SYT1: variants seen among roughly 807,000 people sequenced by gnomAD.
SYT1 encodes the protein synaptotagmin 1.
SYT1 carries 8 observed loss-of-function variants against 44.8 expected under a neutral mutation model. That is an observed-to-expected ratio of 0.18 (90% CI 0.10 to 0.32). The LOEUF (loss-of-function observed/expected upper bound fraction) is 0.32. SYT1 is among the 10% of genes least tolerant of loss of function. SYT1 has a pLI of 1.00. For missense variants in SYT1, 286 were observed against 509.3 expected, an observed-to-expected ratio of 0.56 and a Z score of 4.22; for synonymous variants, 154 against 188.8, an observed-to-expected ratio of 0.82 and a Z score of 1.51.
At chr12:79,238,903 C>T (rs1281630935) in intron 4 of SYT1, among the ~76,000 whole-genome samples, 3 of 152,178 alleles carry the variant, frequency 2.0e-5, no homozygotes, top group Non-Finnish European at 4.4e-5. Flanking sequence ...AACAAATTTG[C>T]GATATTTCCC....
chr12:78,907,580 T>C (rs1267314550), intron 1 of SYT1, among the ~76,000 whole-genome samples: 1 of 151,986 alleles, frequency 6.6e-6, no homozygotes, highest in African/African-American at 2.4e-5. Flanking sequence ...AGCAGTTCTT[T>C]CCAGAAGTTG....
chr12:78,964,722 C>G (rs1354256164), intron 1 of SYT1, among the ~76,000 whole-genome samples: 1 of 152,176 alleles, frequency 6.6e-6, no homozygotes, highest in Non-Finnish European at 1.5e-5. Flanking sequence ...CTGCAACTGT[C>G]TCAGTCTCCT....
intron 4 of SYT1, among the ~76,000 whole-genome samples, chr12:79,224,744 TTTATTTTTTA>T (rs1175404963): frequency 2.7e-5 from 4 of 145,828 alleles, no homozygotes; most frequent in East Asian, 4.0e-4. Context: ...TTTTTATTTA[TTTATTTTTTA>T]TTATTATTAT....
intron 9 of SYT1, among the ~76,000 whole-genome samples, chr12:79,425,774 A>G (rs1247869094): frequency 1.3e-5 from 2 of 152,192 alleles, no homozygotes; most frequent in Non-Finnish European, 2.9e-5. Flanking sequence ...CAGTCAGTGT[A>G]AAATGTTGAC....
chr12:79,334,292 A>C, intron 8 of SYT1, among the ~76,000 whole-genome samples: 1 of 152,208 alleles, frequency 6.6e-6, no homozygotes, highest in East Asian at 1.9e-4. Flanking sequence ...CTCTATATTC[A>C]TATGGTGCAC....
intron 3 of SYT1, among the ~76,000 whole-genome samples, chr12:79,181,233 G>A (rs1214120537): frequency 1.3e-5 from 2 of 152,054 alleles, no homozygotes; most frequent in African/African-American, 4.8e-5. Context: ...TTGAACGTGA[G>A]ATTTGGATGA....
intron 1 of SYT1, among the ~76,000 whole-genome samples, chr12:78,880,918 CCTAA>C (rs1874418882): frequency 6.6e-6 from 1 of 151,604 alleles, no homozygotes; most frequent in African/African-American, 2.4e-5. Context: ...GAATTTTCCT[CCTAA>C]CTATTGCTAA....
intron 8 of SYT1, among the ~76,000 whole-genome samples, chr12:79,304,864 A>G (rs1192051617): frequency 6.6e-6 from 1 of 152,064 alleles, no homozygotes; most frequent in Non-Finnish European, 1.5e-5. Flanking sequence ...TAGTGTACCT[A>G]GTATCTCTGC....
chr12:79,204,996 TC>T (rs1309539258), intron 3 of SYT1, among the ~76,000 whole-genome samples: 8 of 131,958 alleles, frequency 6.1e-5, no homozygotes, highest in East Asian at 4.5e-4. Flanking sequence ...ACGGAGTCTC[TC>T]TTTGTCGCCC....
chr12:79,051,024 C>T (rs1328937820), intron 3 of SYT1, among the ~76,000 whole-genome samples: 3 of 151,310 alleles, frequency 2.0e-5, no homozygotes, highest in East Asian at 3.9e-4. Flanking sequence ...TGCCTAAGCT[C>T]TTATATCTAG....
intron 9 of SYT1, among the ~76,000 whole-genome samples, chr12:79,386,592 A>G (rs1884444885): frequency 6.6e-6 from 1 of 151,980 alleles, no homozygotes. Flanking sequence ...CTAGTTTTCT[A>G]TTGTATGAAC....
In SYT1 at chr12:79,430,700, TC is replaced by T. The variant is rs1376147608; in HGVS notation, c.929-13372del. 1.2e-4 allele frequency among the ~76,000 whole-genome samples: 18 copies of T among 152,318 alleles called. No homozygotes were observed. In the East Asian group the frequency reaches 3.3e-3, roughly 28 times the overall value. On this transcript the variant is annotated intron_variant, in intron 9 of 10. Transcript: ENST00000261205. The stretch of plus-strand genomic sequence containing the variant: ...TACTTGGGAGGCTGAGGTGGGAGGA[TC>T]ACTTGAGCCCGGAGGTTGAGGCAGC...
At chr12:79,231,982 T>C (rs1918191) in intron 4 of SYT1, among the ~76,000 whole-genome samples, 108,608 of 152,028 alleles carry the variant, frequency 0.71, 39,355 homozygotes, top group African/African-American at 0.8. Context: ...TCATTTGTAG[T>C]ATGAGCTGCA....
At chr12:79,056,749 G>A (rs1874977694) in intron 3 of SYT1, among the ~76,000 whole-genome samples, 1 of 152,008 alleles carries the variant, frequency 6.6e-6, no homozygotes, top group Non-Finnish European at 1.5e-5. Flanking sequence ...TGTATGTGAT[G>A]TCTGAAATTG....
At chr12:79,157,418 C>T (rs1870667352) in intron 3 of SYT1, among the ~76,000 whole-genome samples, 1 of 152,266 alleles carries the variant, frequency 6.6e-6, no homozygotes, top group Admixed American at 6.5e-5. Flanking sequence ...TCCATCCCGT[C>T]GCTATTTAGA....
intron 3 of SYT1, among the ~76,000 whole-genome samples, chr12:79,177,145 A>T (rs1227428309): frequency 1.8e-4 from 21 of 115,264 alleles, no homozygotes; most frequent in Admixed American, 2.8e-4. Context: ...CGCTGCACCC[A>T]CTAACGTGTC....
intron 3 of SYT1, among the ~76,000 whole-genome samples, chr12:79,162,997 A>G (rs2138315132): frequency 6.6e-6 from 1 of 152,230 alleles, no homozygotes; most frequent in Admixed American, 6.5e-5. Context: ...GGTGCACACA[A>G]TTTTAAAAGG....
chr12:79,388,420 C>G (rs1057461539), intron 9 of SYT1, among the ~76,000 whole-genome samples: 1 of 152,074 alleles, frequency 6.6e-6, no homozygotes, highest in South Asian at 2.1e-4. Context: ...CTTGGCCAGT[C>G]ACAGTGGCTC....
At chr12:79,064,675 T>A (rs1213770609) in intron 3 of SYT1, among the ~76,000 whole-genome samples, 1 of 151,948 alleles carries the variant, frequency 6.6e-6, no homozygotes, top group East Asian at 1.9e-4. Flanking sequence ...TATTCCTGAA[T>A]AAAGTAAACC....
Sources: allele counts gnomAD v4.1 joint callset (sites outside exome capture counted in the v4.1 genomes callset), GRCh38; gene constraint gnomAD v4.1.1; transcripts MANE v1.5; gene names NCBI Gene and HGNC (gene_info 2026-07-23, HGNC 2026-07-21).